XKR9: variants seen among roughly 807,000 people sequenced by gnomAD.
The protein encoded by XKR9 is XK related 9.
In XKR9, 32 loss-of-function variants were observed where a neutral mutation model predicts 32.0. The observed-to-expected ratio is 1.00, with a 90% confidence interval of 0.76 to 1.34. The LOEUF (loss-of-function observed/expected upper bound fraction) is 1.34. Ranked by LOEUF, XKR9 falls within the 40% of genes most tolerant of loss-of-function variation. The pLI, the probability that XKR9 is intolerant of heterozygous loss-of-function variation, is 0.00. For synonymous variants in XKR9, 168 were observed against 143.4 expected (o/e 1.17, Z -1.22); for missense variants, 546 against 429.7 (o/e 1.27, Z -2.39).
At chr8:70,956,580 A>G in the XKR9 span, among the ~76,000 whole-genome samples, 7 of 152,070 alleles carry the variant, frequency 4.6e-5, no homozygotes, top group African/African-American at 1.7e-4. Context: ...TGCCATTAAC[A>G]TGCTGTCCAT....
intron 3 of XKR9, among the ~76,000 whole-genome samples, chr8:70,699,171 AGTCCATTTAC>A (rs1331059830): frequency 6.6e-6 from 1 of 152,194 alleles, no homozygotes. Context: ...TGGAGCATTT[AGTCCATTTAC>A]GTTTAAAGTT....
chr8:70,847,003 T>G, the XKR9 span, among the ~76,000 whole-genome samples: 3 of 152,046 alleles, frequency 2.0e-5, no homozygotes, highest in South Asian at 6.2e-4. Context: ...TGAACAAACA[T>G]CTATGGAAGA....
chr8:70,949,158 T>A, the XKR9 span, among the ~76,000 whole-genome samples: 1 of 152,234 alleles, frequency 6.6e-6, no homozygotes, highest in Non-Finnish European at 1.5e-5. Flanking sequence ...CAGGACATTT[T>A]ATACATTTTC....
the XKR9 span, among the ~76,000 whole-genome samples, chr8:70,815,874 T>G: frequency 1.3e-5 from 2 of 152,176 alleles, no homozygotes; most frequent in African/African-American, 4.8e-5. Flanking sequence ...GCACCACATT[T>G]TCTTTATCCA....
chr8:70,841,569 CA>C, the XKR9 span, among the ~76,000 whole-genome samples: 1 of 152,136 alleles, frequency 6.6e-6, no homozygotes, highest in South Asian at 2.1e-4. Context: ...ATGCTGCAAC[CA>C]GTTGTCATGT....
At chr8:71,023,722 T>C in the XKR9 span, among the ~76,000 whole-genome samples, 4 of 152,144 alleles carry the variant, frequency 2.6e-5, no homozygotes, top group Non-Finnish European at 5.9e-5. Context: ...GGCTCCCAGG[T>C]GGCACTTGCT....
the XKR9 span, among the ~76,000 whole-genome samples, chr8:70,832,040 A>G: frequency 0.01 from 1,528 of 152,276 alleles, 24 homozygotes; most frequent in African/African-American, 0.035. Flanking sequence ...GCACAGCTTG[A>G]CTTAAACATA....
the XKR9 span, among the ~76,000 whole-genome samples, chr8:70,993,116 C>T: frequency 6.6e-6 from 1 of 152,172 alleles, no homozygotes; most frequent in Non-Finnish European, 1.5e-5. Context: ...CTTCAGCTTT[C>T]CTGAGTGAAC....
intron 2 of XKR9, among the ~76,000 whole-genome samples, chr8:70,765,438 T>C (rs1807362681): frequency 6.6e-6 from 1 of 152,142 alleles, no homozygotes; most frequent in South Asian, 2.1e-4. Flanking sequence ...AATGGACTTT[T>C]GTAAATTTAA....
At chr8:70,758,117 G>A (rs1807254951) in intron 2 of XKR9, among the ~76,000 whole-genome samples, 1 of 151,986 alleles carries the variant, frequency 6.6e-6, no homozygotes, top group African/African-American at 2.4e-5. Context: ...TTATTTATTT[G>A]TTTAGTGATT....
chr8:70,741,190 G>A (rs1586878100), intron 2 of XKR9, among the ~76,000 whole-genome samples: 1 of 152,126 alleles, frequency 6.6e-6, no homozygotes, highest in Non-Finnish European at 1.5e-5. Flanking sequence ...TAGGTGGTGG[G>A]GACTTTGGGC....
At chr8:70,800,021 T>G in the XKR9 span, among the ~76,000 whole-genome samples, 4 of 152,150 alleles carry the variant, frequency 2.6e-5, no homozygotes, top group African/African-American at 9.7e-5. Context: ...TCTTACTATT[T>G]TAAGGTATGT....
chr8:70,864,529 A>G, the XKR9 span, among the ~76,000 whole-genome samples: 1 of 152,172 alleles, frequency 6.6e-6, no homozygotes, highest in African/African-American at 2.4e-5. Context: ...AAATTTCATC[A>G]TGGGTTTTTT....
At chr8:70,900,623 T>TA in the XKR9 span, among the ~76,000 whole-genome samples, 3 of 152,048 alleles carry the variant, frequency 2.0e-5, no homozygotes, top group African/African-American at 7.2e-5. Flanking sequence ...AATAAATAAA[T>TA]AGGAACTCCA....
At chr8:70,944,952 T>C in the XKR9 span, among the ~76,000 whole-genome samples, 1 of 152,154 alleles carries the variant, frequency 6.6e-6, no homozygotes, top group Non-Finnish European at 1.5e-5. Flanking sequence ...CCACCTAAGA[T>C]GGAGGATCTG....
At chr8:70,755,827 G>A (rs957408480) in intron 2 of XKR9, among the ~76,000 whole-genome samples, 8 of 151,372 alleles carry the variant, frequency 5.3e-5, no homozygotes, top group African/African-American at 1.9e-4. Context: ...GAGTTAATGG[G>A]TGCAGCACAC....
At position 70,733,813 on chromosome 8, in the gene XKR9, T is replaced by C; in HGVS notation, c.511T>C (p.Ser171Pro). The C allele has an allele frequency of 6.3e-7, 1 of 1,577,288 alleles. No individual in the cohort carries two copies. Among genetic ancestry groups the C allele is most frequent in the Non-Finnish European group, 8.6e-7 (1 of 1,168,082 alleles). Residue 171 changes from serine (S) to proline (P), a missense_variant, in exon 5 of 5, where the codon TCT becomes CCT. Physicochemically the swap from Ser to Pro is moderately conservative, Grantham distance 74. Transcript: ENST00000408926. ...NFSQYAAIMV[S>P]CCAISWSTVD... ...TTTTGTAGATGCGGCCATCATGGTC[T>C]CTTGCTGTGCTATTTCTTGGTCAAC...
the XKR9 span, among the ~76,000 whole-genome samples, chr8:70,867,056 T>A: frequency 6.6e-6 from 1 of 152,184 alleles, no homozygotes; most frequent in African/African-American, 2.4e-5. Context: ...TGAGACTGTG[T>A]AATTGATACG....
the XKR9 span, among the ~76,000 whole-genome samples, chr8:70,866,865 T>A: frequency 6.6e-6 from 1 of 152,250 alleles, no homozygotes; most frequent in South Asian, 2.1e-4. Context: ...ACACTTTTCA[T>A]AAATTATTTT....
Sources: allele counts gnomAD v4.1 joint callset (sites outside exome capture counted in the v4.1 genomes callset), GRCh38; gene constraint gnomAD v4.1.1; transcripts MANE v1.5; gene names NCBI Gene and HGNC (gene_info 2026-07-23, HGNC 2026-07-21).